Variants in AGBL3 observed in about 807,000 individuals in gnomAD.
AGBL3 encodes AGBL carboxypeptidase 3.
A neutral mutation model predicts 94.5 loss-of-function variants in AGBL3; 68 were observed. The observed-to-expected ratio is 0.72, with a 90% CI of 0.59 to 0.88. The LOEUF (loss-of-function observed/expected upper bound fraction) is 0.88, where lower values mean the gene tolerates loss of function less well. Among genes scored for constraint, AGBL3 ranks in the 40% least tolerant of loss-of-function variants. AGBL3 has a pLI of 0.00. For missense variants in AGBL3, 934 were observed against 1,103.8 expected (o/e 0.85, Z 2.18); for synonymous variants, 354 against 370.7 (o/e 0.95, Z 0.52).
chr7:135,057,545 A>G (rs1388561446), intron 11 of AGBL3, among the ~76,000 whole-genome samples: 1 of 152,192 alleles, frequency 6.6e-6, no homozygotes, highest in Admixed American at 6.5e-5. Context: ...ACTAAATGCC[A>G]GTGAGGATGA....
At chr7:135,015,770 T>C (rs545203218) in intron 4 of AGBL3, among the ~76,000 whole-genome samples, 11 of 151,306 alleles carry the variant, frequency 7.3e-5, no homozygotes, top group Admixed American at 4.0e-4. Flanking sequence ...ATCCCAGCAC[T>C]TTGGGAGGCC....
chr7:135,032,874 G>A lies in AGBL3; in HGVS notation c.449G>A (p.Arg150Gln), dbSNP rs372989688. 137 of 1,550,252 alleles carry A rather than the reference G, an allele frequency of 8.8e-5. No homozygotes were observed. Among genetic ancestry groups the A allele is most frequent in the Admixed American group, 8.1e-4 (41 of 50,772 alleles). ...AYKEPCFVYS[R>Q]VGGNRTPLKQ... ...AAAGAGCCCTGTTTTGTGTATTCCC[G>A]AGTTGGGGGTAACCGAACACCTTTG... The change falls in exon 6 of 17, where the codon CGA (arginine) becomes CAA (glutamine). Residue 150 changes from arginine (R) to glutamine (Q), a missense_variant. By Grantham distance (43) the Arg-to-Gln change is conservative. Around this residue, in one of 3 missense-constraint regions of AGBL3, gnomAD observed 488 missense variants for 563.6 expected, o/e 0.87. Transcript: ENST00000436302.
At position 135,128,633 on chromosome 7, in the gene AGBL3, G is replaced by T. The variant is rs1228760539; in HGVS notation, c.2343-6208G>T. 3.6e-6 allele frequency: 3 copies of T among 844,168 alleles called. No homozygotes were observed. In the Admixed American group the frequency reaches 5.4e-5, roughly 15 times the overall value. 52.3% of individuals were successfully genotyped at this position (844,168 alleles called of 1,614,324 possible). ...AAGAACACCCTGGCAGCGTGATCCC[G>T]TTTGCCTGGATGCAATTTCTTAAGG... is the stretch of plus-strand genomic sequence containing the variant. On this transcript the variant is annotated intron_variant, in intron 16 of 16. Transcript: ENST00000436302.
intron 5 of AGBL3, among the ~76,000 whole-genome samples, chr7:135,025,638 T>A (rs140232421): frequency 6.6e-6 from 1 of 151,482 alleles, no homozygotes; most frequent in African/African-American, 2.4e-5. Flanking sequence ...TTAAAAGGCA[T>A]AGAGTGGCAG....
At chr7:135,133,554 A>G (rs1332140092) in intron 16 of AGBL3, among the ~76,000 whole-genome samples, 2 of 152,230 alleles carry the variant, frequency 1.3e-5, no homozygotes, top group Non-Finnish European at 2.9e-5. Flanking sequence ...TCAAGACAGT[A>G]GTATTAGAGG....
At chr7:134,993,771 G>A in intron 4 of AGBL3, 93 bp downstream of exon 4, 2 of 1,110,268 alleles carry the variant, frequency 1.8e-6, no homozygotes, top group Non-Finnish European at 2.4e-6. Context: ...TTAGAAAACA[G>A]CACATTCCAA....
chr7:135,094,601 G>C (rs772622344), intron 15 of AGBL3: 2 of 451,706 alleles, frequency 4.4e-6, no homozygotes, highest in South Asian at 3.1e-5. Flanking sequence ...GGGAGAAGAA[G>C]AGTAAACATT....
At chr7:135,104,591 T>C (rs1824365765) in intron 15 of AGBL3, among the ~76,000 whole-genome samples, 1 of 152,132 alleles carries the variant, frequency 6.6e-6, no homozygotes, top group African/African-American at 2.4e-5. Flanking sequence ...CCGGCATTTG[T>C]TATTTTTTGA....
chr7:135,078,006 A>G (rs1820613971), intron 13 of AGBL3, among the ~76,000 whole-genome samples: 1 of 152,198 alleles, frequency 6.6e-6, no homozygotes, highest in Non-Finnish European at 1.5e-5. Flanking sequence ...ATGCCTGATT[A>G]GCTACCTACT....
rs186441137 is a variant in AGBL3 at position 135,125,189 on chromosome 7, A to G, written c.2342+9578A>G. On this transcript the variant is annotated intron_variant, in intron 16 of 16. Coordinates refer to ENST00000436302, the MANE Select transcript of AGBL3 (RefSeq NM_178563.4). Reference sequence around the variant, plus strand: ...AAGAAAAGAGAGAAAAATCAAATAGACACAATAAAAATGATAAGGGGATAT... The same window carrying G: ...AAGAAAAGAGAGAAAAATCAAATAGGCACAATAAAAATGATAAGGGGATAT... 3.5e-4 allele frequency among the ~76,000 whole-genome samples: 53 copies of G among 152,298 alleles called. 1 individual carries two copies. The East Asian group carries it at 0.01, about 29-fold the overall frequency.
chr7:135,033,431 A>C (rs1351896844), intron 6 of AGBL3, among the ~76,000 whole-genome samples: 2 of 152,210 alleles, frequency 1.3e-5, no homozygotes, highest in African/African-American at 4.8e-5. Context: ...GTTTTGCAAC[A>C]TTTATTTTAC....
intron 3 of AGBL3, among the ~76,000 whole-genome samples, chr7:134,991,522 T>A (rs186538428): frequency 2.6e-5 from 4 of 152,258 alleles, no homozygotes; most frequent in African/African-American, 9.6e-5. Context: ...CCCCACCATG[T>A]TCTCCCATGA....
rs533384728 is a variant in AGBL3 at position 135,034,012 on chromosome 7, T to C, written c.558-137T>C. ...TCAAAACTTTTATCGTTTACATTGT[T>C]TCCTAACAAAGCTTTCTGTGAATGA... On this transcript the variant is annotated intron_variant, in intron 6 of 16. Transcript: ENST00000436302. The C allele has an allele frequency of 1.2e-4, 97 of 804,306 alleles. 1 individual carries two copies. In the African/African-American group the frequency reaches 1.6e-3, roughly 13 times the overall value. 49.8% of individuals were successfully genotyped at this position (804,306 alleles called of 1,614,324 possible). A position where few individuals can be genotyped will look rare whatever the true frequency, so the allele number is the denominator to read the frequency against.
At chr7:135,087,311 T>A (rs1821409990) in intron 15 of AGBL3, among the ~76,000 whole-genome samples, 1 of 152,104 alleles carries the variant, frequency 6.6e-6, no homozygotes, top group African/African-American at 2.4e-5. Context: ...TCTTTTATAA[T>A]TTTTAATCTC....
Position 135,044,118 on chromosome 7 carries a change from A to T in AGBL3, c.1594A>T (p.Thr532Ser). The T allele has an allele frequency of 1.0e-5, 16 of 1,550,682 alleles. No individual in the cohort carries two copies. Among genetic ancestry groups the T allele is most frequent in the Non-Finnish European group, 1.4e-5 (16 of 1,146,200 alleles). ...GAAAATGGGAATCAGGAACAGCTTT[A>T]CCATGGAGGCCACCTTCTGTGGATC... ...MWKMGIRNSF[T>S]MEATFCGSTL... Residue 532 changes from threonine to serine, a missense_variant, in exon 9 of 17, where the codon ACC becomes TCC. This residue lies in a region of AGBL3 where 441 missense variants were observed against 518.2 expected (regional missense o/e 0.85). Transcript: ENST00000436302.
chr7:135,037,216 G>A (rs772355409), intron 7 of AGBL3, among the ~76,000 whole-genome samples: 3 of 152,046 alleles, frequency 2.0e-5, no homozygotes, highest in East Asian at 1.9e-4. Flanking sequence ...CACTGCGCTC[G>A]GCCTGCATTC....
chr7:135,070,442 A>G (rs1436486261), intron 12 of AGBL3, among the ~76,000 whole-genome samples: 3 of 152,220 alleles, frequency 2.0e-5, no homozygotes, highest in African/African-American at 7.2e-5. Flanking sequence ...TTTTAGACCA[A>G]TATCCTTGAT....
chr7:135,014,007 C>A (rs1039330354), intron 4 of AGBL3, among the ~76,000 whole-genome samples: 1 of 151,956 alleles, frequency 6.6e-6, no homozygotes, highest in Admixed American at 6.5e-5. Context: ...CCAGCCTGGG[C>A]AACACGGTGG....
At chr7:135,065,202 A>G (rs893526436) in intron 12 of AGBL3, among the ~76,000 whole-genome samples, 1 of 152,252 alleles carries the variant, frequency 6.6e-6, no homozygotes, top group East Asian at 1.9e-4. Context: ...AAATAAATGG[A>G]AAGTATTTTG....
Sources: gnomAD v4.1 joint callset for allele counts (sites outside exome capture counted in the v4.1 genomes callset) on GRCh38, gnomAD v4.1.1 for gene constraint, gnomAD v4.1.1 regional missense constraint, MANE v1.5 for transcripts, NCBI Gene and HGNC (gene_info 2026-07-23, HGNC 2026-07-21) for gene names.